The following TMEM235 variants were observed in gnomAD, a reference collection of about 807,000 sequenced individuals.
TMEM235 encodes the protein transmembrane protein 235, also known as claudin-27.
In TMEM235, 23 loss-of-function variants were observed where a neutral mutation model predicts 22.9. The observed-to-expected ratio is 1.00, with a 90% CI of 0.72 to 1.42. The LOEUF (loss-of-function observed/expected upper bound fraction) is 1.42, where lower values mean the gene tolerates loss of function less well. TMEM235 is among the 40% of genes most tolerant of loss of function. The pLI, the probability that TMEM235 is intolerant of heterozygous loss-of-function variation, is 0.00. For missense variants in TMEM235, 308 were observed against 299.5 expected (o/e 1.03, Z -0.21); for synonymous variants, 137 against 140.5 (o/e 0.98, Z 0.17).
Position 78,234,271 on chromosome 17 carries a change from G to C in TMEM235, c.271+296G>C, listed in dbSNP as rs760040701. 77 of 687,916 alleles carry C rather than the reference G, an allele frequency of 1.1e-4. 2 individuals carry two copies. The highest frequency in any genetic ancestry group is 1.0e-3 in the South Asian group (68 of 66,652). 42.6% of individuals were successfully genotyped at this position (687,916 alleles called of 1,614,324 possible). On this transcript the variant is annotated intron_variant, in intron 3 of 5. Transcript: ENST00000421688. ...TTGGCTGGATCCTGCGGGCCTTGCA[G>C]ACTCCTGGCTCCCCATTTAGGACTC...
At position 78,237,387 on chromosome 17, in the gene TMEM235, A is replaced by T. The variant is rs1422797109; in HGVS notation, c.410-1637A>T. 6.6e-6 allele frequency among the ~76,000 whole-genome samples: 1 copy of T among 152,092 alleles called. No homozygotes were observed. The highest frequency in any genetic ancestry group is 6.5e-5 in the Admixed American group (1 of 15,278). On this transcript the variant is annotated intron_variant, in intron 4 of 5. Transcript: ENST00000421688. The surrounding 1 kb of genome is among the most constrained non-coding windows in gnomAD (Gnocchi z 4.7). ...GTGACAGAGTCCTTTAGAGTTTCCC[A>T]GCTTGAGGTTGCAGGTGCCAGCCGC... is the stretch of plus-strand genomic sequence containing the variant.
Position 78,239,325 on chromosome 17 carries a change from G to A in TMEM235, c.659+52G>A, listed in dbSNP as rs544307079. The A allele has an allele frequency of 3.7e-5, 56 of 1,504,462 alleles. No homozygotes were observed. In the South Asian group the frequency reaches 6.5e-4, roughly 17 times the overall value. The allele number at this position is 1,504,462 out of a possible 1,614,324, so 93.2% of individuals were successfully genotyped here. ...CACCTCCCGGGATTGGGCGGTCAGG[G>A]CCAGGGCCCCTTGAGAGTCTGGGAA... On this transcript the variant is annotated intron_variant, in intron 5 of 5. Coordinates refer to ENST00000421688, the Ensembl canonical transcript of TMEM235.
intron 2 of TMEM235, among the ~76,000 whole-genome samples, chr17:78,232,765 T>C: frequency 6.7e-6 from 1 of 149,552 alleles, no homozygotes; most frequent in African/African-American, 2.6e-5. Context: ...GGGGCCAGCC[T>C]GGGGAGCTTC....
exon 2 of TMEM235, chr17:78,231,887 G>A: frequency 6.4e-6 from 7 of 1,101,822 alleles, no homozygotes; most frequent in Non-Finnish European, 7.8e-6. Context: ...GCGCGGGCAG[G>A]AGCGGGGACG....
chr17:78,235,993 G>A (rs28470573), intron 4 of TMEM235, among the ~76,000 whole-genome samples: 17,645 of 152,138 alleles, frequency 0.12, 1,491 homozygotes, highest in African/African-American at 0.23. Flanking sequence ...CCCATTCATG[G>A]GAAGCCACTG....
At position 78,238,548 on chromosome 17, in the gene TMEM235, C is replaced by CTGTG. The variant is rs1330344627; in HGVS notation, c.410-475_410-474insGTGT. 1.0e-5 allele frequency among the ~76,000 whole-genome samples: 1 copy of CTGTG among 96,390 alleles called. No homozygotes were observed. Among genetic ancestry groups the CTGTG allele is most frequent in the Non-Finnish European group, 2.2e-5 (1 of 45,210 alleles). 63.2% of individuals were successfully genotyped at this position (96,390 alleles called of 152,430 possible). ...ACGCTGCTGCCAGCAGAGGCCATGG[C>CTGTG]TCTGTGTGTGTGTGTGTGTGTGTGT... is the stretch of plus-strand genomic sequence containing the variant. On this transcript the variant is annotated intron_variant, in intron 4 of 5. Transcript: ENST00000421688. The surrounding 1 kb of genome is among the most constrained non-coding windows in gnomAD (Gnocchi z 4.3).
At chr17:78,239,038 G>T (rs1599047491) in exon 5 of TMEM235, 1 of 1,540,948 alleles carries the variant, frequency 6.5e-7, no homozygotes. Context: ...CCTGACACTG[G>T]CGGGGGTCAG....
At position 78,232,232 on chromosome 17, in the gene TMEM235, G is replaced by T; in HGVS notation, c.190+19G>T. On this transcript the variant is annotated intron_variant, in intron 2 of 5. Coordinates refer to ENST00000421688, the Ensembl canonical transcript of TMEM235. ...TGCGAAGGTAACCGGCCACCGCGCC[G>T]GCCCTCCTCCCTCCGCGACCTCGTC... 2.1e-6 allele frequency: 3 copies of T among 1,435,872 alleles called. No homozygotes were observed. The highest frequency in any genetic ancestry group is 2.7e-6 in the Non-Finnish European group (3 of 1,098,964). 88.9% of individuals were successfully genotyped at this position (1,435,872 alleles called of 1,614,324 possible).
exon 4 of TMEM235, chr17:78,234,626 T>C: frequency 1.3e-6 from 2 of 1,536,218 alleles, no homozygotes; most frequent in Non-Finnish European, 1.7e-6. Flanking sequence ...GTCCTGCCCC[T>C]GAGCCTGGTC....
intron 4 of TMEM235, among the ~76,000 whole-genome samples, chr17:78,235,788 AG>A (rs1466755850): frequency 4.6e-5 from 7 of 151,910 alleles, no homozygotes; most frequent in Admixed American, 3.3e-4. Context: ...TTTTTAGTAG[AG>A]ATGGGGTTTC....
chr17:78,234,260 C>A lies in TMEM235; in HGVS notation c.271+285C>A, dbSNP rs967978155. On this transcript the variant is annotated intron_variant, in intron 3 of 5. Transcript: ENST00000421688. ...CAGCTCCCAGCTTGGCTGGATCCTG[C>A]GGGCCTTGCAGACTCCTGGCTCCCC... The A allele has an allele frequency of 4.4e-6, 3 of 688,640 alleles. No homozygotes were observed. The African/African-American group carries it at 5.3e-5, about 12-fold the overall frequency. 42.7% of individuals were successfully genotyped at this position (688,640 alleles called of 1,614,324 possible).
chr17:78,231,823 C>A (rs528981634), exon 2 of TMEM235: 186 of 1,202,654 alleles, frequency 1.5e-4, no homozygotes, highest in Non-Finnish European at 1.9e-4. Flanking sequence ...GCTCAGCGAC[C>A]GCAGAGAGGT....
rs2076669377 is a variant in TMEM235, at chr17:78,238,536, C to CAG, written c.410-485_410-484dup. On this transcript the variant is annotated intron_variant, in intron 4 of 5. Transcript: ENST00000421688. The surrounding 1 kb of genome is among the most constrained non-coding windows in gnomAD (Gnocchi z 4.3). ...GAGCACTGGGCAACGCTGCTGCCAG[C>CAG]AGAGGCCATGGCTCTGTGTGTGTGT... 6.8e-6 allele frequency among the ~76,000 whole-genome samples: 1 copy of CAG among 146,640 alleles called. No individual in the cohort carries two copies. The highest frequency in any genetic ancestry group is 1.5e-5 in the Non-Finnish European group (1 of 66,892).
intron 2 of TMEM235, among the ~76,000 whole-genome samples, chr17:78,232,432 C>CG (rs1388336299): frequency 6.6e-6 from 1 of 152,176 alleles, no homozygotes; most frequent in Non-Finnish European, 1.5e-5. Context: ...GAGCCCAGTT[C>CG]GGGGCCCCTC....
exon 2 of TMEM235, chr17:78,231,855 C>T (rs983855694): frequency 1.0e-4 from 117 of 1,159,952 alleles, no homozygotes; most frequent in Non-Finnish European, 1.2e-4. Flanking sequence ...CCCTGCGACC[C>T]CAGGGGGCCC....
At chr17:78,240,115 C>T in exon 6 of TMEM235, 2 of 1,330,426 alleles carry the variant, frequency 1.5e-6, no homozygotes, top group Non-Finnish European at 2.0e-6. Context: ...GGCCCCCGAC[C>T]CTTCCTCTCT....
chr17:78,240,789 T>G (rs1011020888), exon 6 of TMEM235: 2 of 152,176 alleles, frequency 1.3e-5, no homozygotes, highest in African/African-American at 2.4e-5. Flanking sequence ...AGGACAAATC[T>G]GGGGGGTGAG....
Position 78,233,387 on chromosome 17 carries a change from G to A in TMEM235, c.191-508G>A, listed in dbSNP as rs73381583. Among the ~76,000 whole-genome samples the A allele has an allele frequency of 8.7e-4, 133 of 152,328 alleles. 1 individual carries two copies. Among genetic ancestry groups the A allele is most frequent in the African/African-American group, 3.0e-3 (125 of 41,564 alleles). On this transcript the variant is annotated intron_variant, in intron 2 of 5. Transcript: ENST00000421688. ...CGTTTGAAAGTTTAAACATGCACCT[G>A]TGCAGGCATAACTTGCACGTGAAAA...
chr17:78,234,819 C>G, intron 4 of TMEM235, 89 bp downstream of exon 3: 1 of 1,487,886 alleles, frequency 6.7e-7, no homozygotes, highest in Non-Finnish European at 9.0e-7. Context: ...CTGTTGCCCT[C>G]GTCCCCTGCT....
Sources: allele counts gnomAD v4.1 joint callset (sites outside exome capture counted in the v4.1 genomes callset), GRCh38; gene constraint gnomAD v4.1.1; non-coding constraint Gnocchi (gnomAD v3.1); transcripts MANE v1.5; gene names NCBI Gene and HGNC (gene_info 2026-07-23, HGNC 2026-07-21).